Variants in SLC25A21 observed in about 807,000 individuals in gnomAD.
SLC25A21 encodes the protein mitochondrial 2-oxodicarboxylate carrier.
A neutral mutation model predicts 43.8 loss-of-function variants in SLC25A21; 47 were observed. The observed-to-expected ratio is 1.07, with a 90% CI of 0.85 to 1.37. The LOEUF (loss-of-function observed/expected upper bound fraction) is 1.37, where lower values mean the gene tolerates loss of function less well. SLC25A21 is among the 40% of genes most tolerant of loss of function. The pLI is 0.00. For synonymous variants in SLC25A21, 131 were observed against 121.3 expected (o/e 1.08, Z -0.52); for missense variants, 352 against 350.2 (o/e 1.00, Z -0.04).
At chr14:36,999,851 C>T (rs1018268897) in intron 1 of SLC25A21, among the ~76,000 whole-genome samples, 4 of 152,184 alleles carry the variant, frequency 2.6e-5, no homozygotes, top group Admixed American at 6.5e-5. Flanking sequence ...ACAATGCTTA[C>T]GTATTATTTA....
intron 7 of SLC25A21, among the ~76,000 whole-genome samples, chr14:36,705,507 C>T (rs1380912531): frequency 6.6e-6 from 1 of 152,042 alleles, no homozygotes; most frequent in Non-Finnish European, 1.5e-5. Flanking sequence ...AAAAGCTCTC[C>T]ACAGCTTAGA....
At position 36,720,960 on chromosome 14, in the gene SLC25A21, C is replaced by T. The variant is rs189513250; in HGVS notation, c.438+4610G>A. Among the ~76,000 whole-genome samples the T allele has an allele frequency of 9.2e-5, 14 of 152,330 alleles. No homozygotes were observed. In the East Asian group the frequency reaches 2.3e-3, roughly 25 times the overall value. Reference sequence around the variant, plus strand: ...GCATCTGATAATGACCTAAGGCACACTGAGGGAGAAGACCCTTGCTCAGTG... The same window carrying T: ...GCATCTGATAATGACCTAAGGCACATTGAGGGAGAAGACCCTTGCTCAGTG... On this transcript the variant is annotated intron_variant, in intron 6 of 9. Transcript: ENST00000331299.
Position 36,679,330 on chromosome 14 carries a change from C to CAAA in SLC25A21, c.*1325_*1327dup. On this transcript the variant is annotated 3_prime_UTR_variant, in exon 10 of 10. Transcript: ENST00000331299. ...TCAAAAGCCTTTTATTTTTATACTTCAAATGCTCTAAATTAATAAAAAGTA... is the reference window on the plus strand; with the variant it reads ...TCAAAAGCCTTTTATTTTTATACTTCAAAAAATGCTCTAAATTAATAAAAAGTA... 1 of 970,016 alleles carries CAAA rather than the reference C, an allele frequency of 1.0e-6. No homozygotes were observed. 60.1% of individuals were successfully genotyped at this position (970,016 alleles called of 1,614,324 possible).
At chr14:36,720,962 G>A (rs928203618) in intron 6 of SLC25A21, among the ~76,000 whole-genome samples, 1 of 152,230 alleles carries the variant, frequency 6.6e-6, no homozygotes, top group Admixed American at 6.5e-5. Flanking sequence ...AAGGCACACT[G>A]AGGGAGAAGA....
intron 1 of SLC25A21, among the ~76,000 whole-genome samples, chr14:37,062,507 C>T (rs1439472845): frequency 6.6e-6 from 1 of 151,996 alleles, no homozygotes; most frequent in Non-Finnish European, 1.5e-5. Flanking sequence ...TCCTAGAAAC[C>T]TCTGAAATTT....
intron 1 of SLC25A21, among the ~76,000 whole-genome samples, chr14:36,938,276 C>T (rs1212519131): frequency 1.3e-5 from 2 of 152,110 alleles, no homozygotes; most frequent in African/African-American, 2.4e-5. Flanking sequence ...AAATCAACTC[C>T]CCTAGGCACA....
intron 1 of SLC25A21, among the ~76,000 whole-genome samples, chr14:36,942,662 C>T (rs1002222082): frequency 1.3e-5 from 2 of 152,156 alleles, no homozygotes; most frequent in South Asian, 2.1e-4. Flanking sequence ...AAAAATATAA[C>T]GTGGTGAAAA....
intron 1 of SLC25A21, among the ~76,000 whole-genome samples, chr14:37,133,779 C>G (rs1478963245): frequency 2.0e-5 from 3 of 152,152 alleles, no homozygotes; most frequent in African/African-American, 7.2e-5. Context: ...TGCTTCCGTT[C>G]CACTACAAGT....
intron 2 of SLC25A21, among the ~76,000 whole-genome samples, chr14:36,829,062 C>A (rs147338788): frequency 1.1e-3 from 166 of 152,142 alleles, no homozygotes; most frequent in African/African-American, 3.8e-3. Flanking sequence ...CCACACCTGG[C>A]TAATTTTTTT....
Position 36,684,744 on chromosome 14 carries a change from C to G in SLC25A21, c.785G>C (p.Gly262Ala), listed in dbSNP as rs1235856413. The G allele has an allele frequency of 1.2e-6, 2 of 1,600,070 alleles. No individual in the cohort carries two copies. Among genetic ancestry groups the G allele is most frequent in the Admixed American group, 1.7e-5 (1 of 57,926 alleles). The change falls in exon 8 of 10, where the codon GGG becomes GCG. Residue 262 changes from glycine (G) to alanine (A), a missense_variant and splice_region_variant. Coordinates refer to ENST00000331299, the MANE Select transcript of SLC25A21 (RefSeq NM_030631.4). ...TTAAAATAAGAATGTGTTATGTTACCCTTCTTCCTGATAGACTGTTGCCAT... is the reference window on the plus strand; with the variant it reads ...TTAAAATAAGAATGTGTTATGTTACGCTTCTTCCTGATAGACTGTTGCCAT... ...KTMATVYQEE[G>A]ILALYKGLLP...
chr14:36,789,628 TAAG>T (rs1272419145), intron 3 of SLC25A21, among the ~76,000 whole-genome samples: 1 of 145,806 alleles, frequency 6.9e-6, no homozygotes, highest in Non-Finnish European at 1.5e-5. Context: ...ACCTAAAACA[TAAG>T]GAGGAAAAAA....
intron 1 of SLC25A21, among the ~76,000 whole-genome samples, chr14:36,968,506 T>C (rs1207743417): frequency 6.6e-6 from 1 of 152,218 alleles, no homozygotes; most frequent in Non-Finnish European, 1.5e-5. Flanking sequence ...TTTTCTCTTT[T>C]CAGAGCATCA....
chr14:36,846,113 C>G (rs780605358), intron 2 of SLC25A21, among the ~76,000 whole-genome samples: 1 of 152,032 alleles, frequency 6.6e-6, no homozygotes, highest in Non-Finnish European at 1.5e-5. Context: ...CATTTAAACC[C>G]CCAAACCACA....
intron 5 of SLC25A21, among the ~76,000 whole-genome samples, chr14:36,726,508 T>G (rs186220660): frequency 6.6e-6 from 1 of 152,234 alleles, no homozygotes; most frequent in Admixed American, 6.5e-5. Context: ...ATGACTAGGT[T>G]ATTCTGAAAG....
At chr14:37,122,773 A>T (rs1963231736) in intron 1 of SLC25A21, among the ~76,000 whole-genome samples, 2 of 152,234 alleles carry the variant, frequency 1.3e-5, no homozygotes, top group Non-Finnish European at 2.9e-5. Flanking sequence ...GATCACTAAC[A>T]GTGGTCCAAA....
intron 1 of SLC25A21, among the ~76,000 whole-genome samples, chr14:37,116,103 AC>A (rs1963101084): frequency 6.6e-6 from 1 of 152,194 alleles, no homozygotes; most frequent in South Asian, 2.1e-4. Context: ...TTAAAAAAAA[AC>A]AACTAAAACT....
At chr14:36,721,018 G>A (rs1884353632) in intron 6 of SLC25A21, among the ~76,000 whole-genome samples, 1 of 152,190 alleles carries the variant, frequency 6.6e-6, no homozygotes, top group Non-Finnish European at 1.5e-5. Context: ...GGAGTCAGCT[G>A]TGACTGCTCA....
intron 1 of SLC25A21, among the ~76,000 whole-genome samples, chr14:36,909,128 G>A (rs1891614379): frequency 6.6e-6 from 1 of 152,108 alleles, no homozygotes; most frequent in Admixed American, 6.6e-5. Context: ...TAGATAACAT[G>A]AGACTTGAGA....
intron 2 of SLC25A21, among the ~76,000 whole-genome samples, chr14:36,817,383 T>A (rs546172681): frequency 6.6e-6 from 1 of 152,002 alleles, no homozygotes; most frequent in South Asian, 2.1e-4. Flanking sequence ...AGAGAGTAAA[T>A]CAGGAGGAAG....
Sources: gnomAD v4.1 joint callset for allele counts (sites outside exome capture counted in the v4.1 genomes callset) on GRCh38, gnomAD v4.1.1 for gene constraint, MANE v1.5 for transcripts, NCBI Gene and HGNC (gene_info 2026-07-23, HGNC 2026-07-21) for gene names.